The following FMN1 variants were observed in gnomAD, a reference collection of about 807,000 sequenced individuals.
FMN1 encodes formin 1, also known as formin-1.
Under a neutral mutation model 132.4 loss-of-function variants are expected in FMN1, and 110 were observed. That is an observed-to-expected ratio of 0.83 (90% CI 0.71 to 0.97). FMN1 has a LOEUF of 0.97. Ranked by LOEUF, FMN1 falls within the 50% of genes least tolerant of loss-of-function variation. The pLI is 0.00. For missense variants in FMN1, 1,792 were observed against 1,705.3 expected, an observed-to-expected ratio of 1.05 and a Z score of -0.90; for synonymous variants, 722 against 651.7, an observed-to-expected ratio of 1.11 and a Z score of -1.64.
intron 7 of FMN1, among the ~76,000 whole-genome samples, chr15:32,979,487 C>T (rs571042906): frequency 2.9e-5 from 4 of 137,038 alleles, no homozygotes; most frequent in East Asian, 2.4e-4. Context: ...ACCCGGGAGG[C>T]GGAGCTTGTA....
At chr15:33,036,856 C>CA (rs1293556770) in intron 6 of FMN1, among the ~76,000 whole-genome samples, 1 of 152,130 alleles carries the variant, frequency 6.6e-6, no homozygotes, top group African/African-American at 2.4e-5. Flanking sequence ...CCAGAATATC[C>CA]ATTTGTACCA....
chr15:32,990,693 G>C (rs2033379782), intron 7 of FMN1, among the ~76,000 whole-genome samples: 1 of 152,128 alleles, frequency 6.6e-6, no homozygotes, highest in African/African-American at 2.4e-5. Flanking sequence ...CCCCAGACTG[G>C]GTAATTATAA....
rs1248196248 is a variant in FMN1, at chr15:33,067,726, T to C, written c.2044-2652A>G. 9.3e-6 allele frequency: 15 copies of C among 1,614,024 alleles called. No individual in the cohort carries two copies. In the East Asian group the frequency reaches 1.3e-4, roughly 14 times the overall value. ...TATGGAATGCTTTCAGCACAGCATC[T>C]TCCTCTTCTGGATTCACAGATTCTA... On this transcript the variant is annotated intron_variant, in intron 5 of 20. Transcript: ENST00000616417.
At chr15:32,994,666 G>T (rs1367349338) in intron 7 of FMN1, among the ~76,000 whole-genome samples, 1 of 152,176 alleles carries the variant, frequency 6.6e-6, no homozygotes. Context: ...CATCCAGGAA[G>T]CACTCAATCA....
intron 6 of FMN1, among the ~76,000 whole-genome samples, chr15:33,053,956 TTGAG>T (rs1595363439): frequency 6.6e-6 from 1 of 152,164 alleles, no homozygotes; most frequent in African/African-American, 2.4e-5. Flanking sequence ...GTAGGCATGA[TTGAG>T]TAAGTAAATC....
chr15:32,997,324 T>A (rs1197062352), intron 7 of FMN1, among the ~76,000 whole-genome samples: 1 of 151,208 alleles, frequency 6.6e-6, no homozygotes, highest in Non-Finnish European at 1.5e-5. Flanking sequence ...TCACCGTCTT[T>A]TTTTTTTTTT....
intron 17 of FMN1, among the ~76,000 whole-genome samples, chr15:32,854,406 T>C (rs1414966627): frequency 6.6e-6 from 1 of 152,260 alleles, no homozygotes; most frequent in African/African-American, 2.4e-5. Flanking sequence ...CCATACGGTA[T>C]TGGGAATGTT....
At chr15:33,099,123 A>T (rs2039196080) in intron 4 of FMN1, among the ~76,000 whole-genome samples, 1 of 152,072 alleles carries the variant, frequency 6.6e-6, no homozygotes, top group Admixed American at 6.6e-5. Flanking sequence ...TACAAAAAAA[A>T]GACCCAATCT....
chr15:32,872,549 G>C (rs1347164422), intron 16 of FMN1, among the ~76,000 whole-genome samples: 1 of 152,210 alleles, frequency 6.6e-6, no homozygotes, highest in Non-Finnish European at 1.5e-5. Flanking sequence ...ATTTTTACTA[G>C]AATTGAGGAT....
rs539132608 is a variant in FMN1 at position 33,115,142 on chromosome 15, TCCAGTCTC to T, written c.1868-26176_1868-26169del. On this transcript the variant is annotated intron_variant, in intron 4 of 20. Transcript: ENST00000616417. ...AGACAAGGCCCTTGCCTTCAAGGAG[TCCAGTCTC>T]CCATGGGGAAAATGAAGAACTAAAT... Among the ~76,000 whole-genome samples the T allele has an allele frequency of 1.1e-4, 16 of 152,060 alleles. No homozygotes were observed. The East Asian group carries it at 2.5e-3, about 24-fold the overall frequency.
chr15:33,151,810 C>T (rs1461257802), intron 4 of FMN1, among the ~76,000 whole-genome samples: 3 of 152,072 alleles, frequency 2.0e-5, no homozygotes, highest in Non-Finnish European at 2.9e-5. Context: ...ATAAAATCTA[C>T]GATTCTGTGA....
At chr15:32,944,144 T>TTC (rs2140456626) in intron 9 of FMN1, among the ~76,000 whole-genome samples, 1 of 152,310 alleles carries the variant, frequency 6.6e-6, no homozygotes, top group South Asian at 2.1e-4. Context: ...CCATCTTGCT[T>TTC]TCTCTCTTAC....
At chr15:32,913,447 C>T (rs1023765072) in intron 10 of FMN1, among the ~76,000 whole-genome samples, 14 of 152,124 alleles carry the variant, frequency 9.2e-5, no homozygotes, top group Non-Finnish European at 4.4e-5. Context: ...TTCCCTGCCT[C>T]GCCTCAATTA....
chr15:33,127,784 AACT>A (rs1327468421), intron 4 of FMN1, among the ~76,000 whole-genome samples: 7 of 152,206 alleles, frequency 4.6e-5, no homozygotes, highest in South Asian at 2.1e-4. Flanking sequence ...GTCTGTAGAG[AACT>A]ACATCTTGCC....
In FMN1 at chr15:32,767,705, T is replaced by C. The variant is rs2056093712; in HGVS notation, c.*6605A>G. On this transcript the variant is annotated 3_prime_UTR_variant, in exon 21 of 21. Transcript: ENST00000616417. ...AGACATCTAGCTGACAGTAGGGTCA[T>C]ATTACTTATGCCTTGGGAAATTACA... 6.6e-6 allele frequency: 1 copy of C among 152,244 alleles called. No homozygotes were observed. Among genetic ancestry groups the C allele is most frequent in the South Asian group, 2.1e-4 (1 of 4,832 alleles). 9.4% of individuals were successfully genotyped at this position (152,244 alleles called of 1,614,324 possible).
intron 17 of FMN1, among the ~76,000 whole-genome samples, chr15:32,821,449 CTTTT>C (rs34336647): frequency 5.3e-4 from 59 of 110,812 alleles, no homozygotes; most frequent in East Asian, 2.2e-3. Context: ...ATATTTAAAT[CTTTT>C]TTTTTTTTTT....
rs567964307 is a variant in FMN1, at chr15:33,187,758, G to A, written c.-197+6151C>T. On this transcript the variant is annotated intron_variant, in intron 2 of 20. Coordinates refer to ENST00000616417, the MANE Select transcript of FMN1 (RefSeq NM_001277313.2). Reference sequence around the variant, plus strand: ...GAGCCTTGACACAACTCTGGGGGGTGGTATAATACTGAGAAGGACTGAGGT... The same window carrying A: ...GAGCCTTGACACAACTCTGGGGGGTAGTATAATACTGAGAAGGACTGAGGT... Among the ~76,000 whole-genome samples, 4 of 152,148 alleles carry A rather than the reference G, an allele frequency of 2.6e-5. No individual in the cohort carries two copies. In the South Asian group the frequency reaches 8.3e-4, roughly 32 times the overall value.
intron 16 of FMN1, among the ~76,000 whole-genome samples, chr15:32,859,412 T>C (rs2141303788): frequency 6.6e-6 from 1 of 152,348 alleles, no homozygotes; most frequent in South Asian, 2.1e-4. Flanking sequence ...TGTTTTCCAG[T>C]TACATTATTC....
intron 7 of FMN1, among the ~76,000 whole-genome samples, chr15:32,975,126 G>GA (rs573249566): frequency 2.0e-5 from 3 of 152,168 alleles, no homozygotes; most frequent in Admixed American, 6.5e-5. Flanking sequence ...TGAAAAAAAT[G>GA]AAATCAAGCT....
Sources: allele counts gnomAD v4.1 joint callset (sites outside exome capture counted in the v4.1 genomes callset), GRCh38; gene constraint gnomAD v4.1.1; transcripts MANE v1.5; gene names NCBI Gene and HGNC (gene_info 2026-07-23, HGNC 2026-07-21).